The following LYRM4 variants were observed in gnomAD, a reference collection of about 807,000 sequenced individuals.
LYRM4 encodes the protein LYR motif-containing protein 4.
In LYRM4, 9 loss-of-function variants were observed where a neutral mutation model predicts 11.7. The ratio of observed to expected loss-of-function variants is 0.77; its 90% CI spans 0.46 to 1.34. The LOEUF (loss-of-function observed/expected upper bound fraction) is 1.34. Among genes scored for constraint, LYRM4 ranks in the 40% most tolerant of loss-of-function variants. The pLI is 0.00. For missense variants in LYRM4, 133 were observed against 112.5 expected, an observed-to-expected ratio of 1.18 and a Z score of -0.82; for synonymous variants, 42 against 40.4, an observed-to-expected ratio of 1.04 and a Z score of -0.15.
chr6:5,073,243 G>T, the LYRM4 span, among the ~76,000 whole-genome samples: 2 of 152,014 alleles, frequency 1.3e-5, no homozygotes, highest in African/African-American at 2.4e-5. Context: ...GGTGGCACAC[G>T]CCTGTTATCC....
chr6:5,167,063 G>A (rs1048020540), intron 2 of LYRM4, among the ~76,000 whole-genome samples: 1 of 152,128 alleles, frequency 6.6e-6, no homozygotes, highest in Admixed American at 6.6e-5. Context: ...CCTGTTGCCT[G>A]AATGATCAGC....
chr6:5,256,607 A>G (rs932976556), intron 1 of LYRM4, among the ~76,000 whole-genome samples: 2 of 149,772 alleles, frequency 1.3e-5, no homozygotes, highest in East Asian at 2.0e-4. Context: ...CTCTCATTTT[A>G]TAAAGAAACT....
intron 2 of LYRM4, among the ~76,000 whole-genome samples, chr6:5,133,753 T>C (rs1334570689): frequency 1.3e-5 from 2 of 152,206 alleles, no homozygotes; most frequent in African/African-American, 4.8e-5. Context: ...CCCATACTCA[T>C]TAAGCAGCCC....
chr6:5,085,970 C>T, the LYRM4 span: 11 of 1,527,164 alleles, frequency 7.2e-6, no homozygotes, highest in Non-Finnish European at 9.6e-6. Flanking sequence ...GCCGTGCTCT[C>T]GCGCCTCCGA....
intron 2 of LYRM4, among the ~76,000 whole-genome samples, chr6:5,118,095 T>TATATATATATATATATATATATA (rs34304149): frequency 2.1e-5 from 2 of 96,884 alleles, no homozygotes; most frequent in Non-Finnish European, 4.1e-5. Flanking sequence ...TATATATATA[T>TATATATATATATATATATATATA]TTTTGTTTTG....
intron 2 of LYRM4, among the ~76,000 whole-genome samples, chr6:5,148,008 C>A (rs1242637730): frequency 6.6e-6 from 1 of 152,164 alleles, no homozygotes; most frequent in Non-Finnish European, 1.5e-5. Context: ...CCAGAACACA[C>A]CAAGCTCGTT....
At chr6:5,130,405 G>A (rs1763898735) in intron 2 of LYRM4, among the ~76,000 whole-genome samples, 1 of 152,262 alleles carries the variant, frequency 6.6e-6, no homozygotes, top group Admixed American at 6.5e-5. Flanking sequence ...ATTGCACAGG[G>A]GACCTGGGAA....
chr6:5,214,669 T>G (rs1004278522), intron 2 of LYRM4, among the ~76,000 whole-genome samples: 2 of 152,164 alleles, frequency 1.3e-5, no homozygotes, highest in Admixed American at 1.3e-4. Flanking sequence ...CACCTTGCCA[T>G]AGGCTGTTAG....
At chr6:5,058,415 T>A in the LYRM4 span, among the ~76,000 whole-genome samples, 1 of 152,096 alleles carries the variant, frequency 6.6e-6, no homozygotes, top group Admixed American at 6.5e-5. Flanking sequence ...GGGCTTAACA[T>A]CCACTTCCAC....
chr6:5,230,966 GA>G (rs1398740606), intron 1 of LYRM4, among the ~76,000 whole-genome samples: 1 of 152,004 alleles, frequency 6.6e-6, no homozygotes, highest in Non-Finnish European at 1.5e-5. Context: ...TATTCAGAAG[GA>G]AAAAAAGTCC....
At chr6:5,088,857 CTTCT>C in the LYRM4 span, 4 of 152,300 alleles carry the variant, frequency 2.6e-5, no homozygotes, top group Admixed American at 1.3e-4. Context: ...TACCTGTTGC[CTTCT>C]TTCACCTAAA....
At position 5,245,330 on chromosome 6, in the gene LYRM4, C is replaced by G. The variant is rs1764148266; in HGVS notation, c.86+15318G>C. Among the ~76,000 whole-genome samples, 7 of 151,056 alleles carry G rather than the reference C, an allele frequency of 4.6e-5. No homozygotes were observed. The South Asian group carries it at 1.5e-3, about 32-fold the overall frequency. ...GAACATGGCCGCCCCGGTAGTTCAC[C>G]CAAATCCCTTTACTCCTACTTGTTA... On this transcript the variant is annotated intron_variant, in intron 1 of 2. Coordinates refer to ENST00000330636, the MANE Select transcript of LYRM4 (RefSeq NM_020408.6).
At chr6:5,207,187 A>G (rs2127712942) in intron 2 of LYRM4, among the ~76,000 whole-genome samples, 1 of 152,340 alleles carries the variant, frequency 6.6e-6, no homozygotes, top group Admixed American at 6.5e-5. Context: ...GCCGTTTTTT[A>G]GACTGATAGA....
intron 2 of LYRM4, among the ~76,000 whole-genome samples, chr6:5,179,053 A>C (rs1206746134): frequency 1.8e-5 from 2 of 112,756 alleles, no homozygotes; most frequent in African/African-American, 7.0e-5. Context: ...AAAAACAAAC[A>C]AACCAAAAAA....
intron 2 of LYRM4, among the ~76,000 whole-genome samples, chr6:5,196,677 G>T (rs1232010388): frequency 2.0e-5 from 3 of 152,214 alleles, no homozygotes; most frequent in African/African-American, 7.2e-5. Flanking sequence ...TTATGGGAAT[G>T]AATTGTATCA....
chr6:5,190,217 G>A (rs907978517), intron 2 of LYRM4, among the ~76,000 whole-genome samples: 2 of 151,540 alleles, frequency 1.3e-5, no homozygotes, highest in Non-Finnish European at 2.9e-5. Flanking sequence ...CAAAGCATTT[G>A]ATTTCCTTGA....
intron 2 of LYRM4, among the ~76,000 whole-genome samples, chr6:5,134,598 C>T (rs534312145): frequency 2.0e-5 from 3 of 152,142 alleles, no homozygotes; most frequent in African/African-American, 4.8e-5. Context: ...AATATGAAAA[C>T]GAATACACAG....
intron 1 of LYRM4, among the ~76,000 whole-genome samples, chr6:5,236,998 T>G (rs1016483507): frequency 6.6e-6 from 1 of 152,112 alleles, no homozygotes; most frequent in African/African-American, 2.4e-5. Context: ...GGGCTTTGAA[T>G]TGCAGTGGGT....
At chr6:5,165,732 G>A (rs920026511) in intron 2 of LYRM4, among the ~76,000 whole-genome samples, 5 of 151,974 alleles carry the variant, frequency 3.3e-5, no homozygotes, top group African/African-American at 4.8e-5. Context: ...TACTAGAGAC[G>A]GGGTTTCACC....
Sources: allele counts gnomAD v4.1 joint callset (sites outside exome capture counted in the v4.1 genomes callset), GRCh38; gene constraint gnomAD v4.1.1; transcripts MANE v1.5; gene names NCBI Gene and HGNC (gene_info 2026-07-23, HGNC 2026-07-21).